ADAMTSL1: variants seen among roughly 807,000 people sequenced by gnomAD.
ADAMTSL1 encodes the protein ADAMTS like 1.
ADAMTSL1 carries 126 observed loss-of-function variants against 201.8 expected under a neutral mutation model. The observed-to-expected ratio is 0.62, with a 90% confidence interval of 0.54 to 0.72. ADAMTSL1 has a LOEUF of 0.72. ADAMTSL1 is among the 30% of genes least tolerant of loss of function. The probability of loss-of-function intolerance (pLI) is 0.00; values close to 1 mark genes in which losing one functional copy is unlikely to be tolerated. For synonymous variants in ADAMTSL1, 1,121 were observed against 903.4 expected (o/e 1.24, Z -4.32); for missense variants, 2,679 against 2,277.8 (o/e 1.18, Z -3.59).
At chr9:18,097,567 G>A (rs1393950875) in intron 1 of ADAMTSL1, among the ~76,000 whole-genome samples, 1 of 152,150 alleles carries the variant, frequency 6.6e-6, no homozygotes, top group African/African-American at 2.4e-5. Context: ...CCACATCCTT[G>A]TTAATACTTC....
intron 15 of ADAMTSL1, among the ~76,000 whole-genome samples, chr9:18,734,732 C>G (rs1818408378): frequency 1.3e-5 from 2 of 152,088 alleles, no homozygotes; most frequent in South Asian, 2.1e-4. Context: ...GTCTCTTGTT[C>G]TTAGAGCTGG....
At chr9:18,706,691 A>G (rs1396240540) in intron 13 of ADAMTSL1, 56 bp from the exon 14 acceptor site, 2 of 1,502,994 alleles carry the variant, frequency 1.3e-6, no homozygotes, top group South Asian at 1.3e-5. Flanking sequence ...CACAGCCCCC[A>G]TGGCTTCCTG....
intron 2 of ADAMTSL1, among the ~76,000 whole-genome samples, chr9:18,350,427 C>G (rs1835916908): frequency 6.6e-6 from 1 of 152,140 alleles, no homozygotes; most frequent in African/African-American, 2.4e-5. Context: ...GAAGCCGGTC[C>G]TTCCCTTCTA....
At chr9:18,412,942 C>T (rs7859150) in intron 2 of ADAMTSL1, among the ~76,000 whole-genome samples, 51,008 of 151,888 alleles carry the variant, frequency 0.34, 9,578 homozygotes, top group African/African-American at 0.51. Context: ...GCATCTATAT[C>T]CAAGAGTGAT....
At chr9:18,419,001 T>C (rs1398520377) in intron 2 of ADAMTSL1, among the ~76,000 whole-genome samples, 1 of 152,202 alleles carries the variant, frequency 6.6e-6, no homozygotes, top group African/African-American at 2.4e-5. Context: ...AATAGATCGA[T>C]GTAACAGAAT....
At chr9:18,136,514 T>A (rs1459192198) in intron 1 of ADAMTSL1, among the ~76,000 whole-genome samples, 1 of 151,726 alleles carries the variant, frequency 6.6e-6, no homozygotes, top group Non-Finnish European at 1.5e-5. Context: ...AATGCAAGGG[T>A]GAAGTGCTTT....
intron 2 of ADAMTSL1, among the ~76,000 whole-genome samples, chr9:18,299,786 A>G (rs1833628297): frequency 6.6e-6 from 1 of 152,248 alleles, no homozygotes; most frequent in Non-Finnish European, 1.5e-5. Flanking sequence ...TGGAAGACTA[A>G]TAGAAATCTG....
At chr9:18,139,745 C>A (rs1383250809) in intron 1 of ADAMTSL1, among the ~76,000 whole-genome samples, 1 of 152,112 alleles carries the variant, frequency 6.6e-6, no homozygotes, top group Non-Finnish European at 1.5e-5. Flanking sequence ...CATGAGATCA[C>A]AATTTTTTTC....
At chr9:18,486,478 A>C (rs577720256) in intron 1 of ADAMTSL1, among the ~76,000 whole-genome samples, 9 of 152,306 alleles carry the variant, frequency 5.9e-5, no homozygotes, top group African/African-American at 2.2e-4. Flanking sequence ...CCAAGGCAGG[A>C]GGATCGCTTG....
chr9:18,769,721 A>C (rs1820576306), intron 16 of ADAMTSL1, among the ~76,000 whole-genome samples: 1 of 152,202 alleles, frequency 6.6e-6, no homozygotes, highest in Admixed American at 6.5e-5. Context: ...CTGAAAGCAC[A>C]CACAACCCTT....
intron 23 of ADAMTSL1, among the ~76,000 whole-genome samples, chr9:18,846,094 C>G (rs756916458): frequency 2.0e-5 from 3 of 152,158 alleles, no homozygotes; most frequent in Non-Finnish European, 2.9e-5. Flanking sequence ...TAAATACAAA[C>G]CTAGTCCTCA....
At position 18,680,499 on chromosome 9, in the gene ADAMTSL1, G is replaced by C. The variant is rs766999969; in HGVS notation, c.1324G>C (p.Ala442Pro). 8.7e-6 allele frequency: 14 copies of C among 1,613,996 alleles called. No individual in the cohort carries two copies. The change falls in exon 11 of 29, where the codon GCA becomes CCA. Residue 442 changes from alanine (A) to proline (P), a missense_variant. Transcript: ENST00000380548. ...CNIFDCPKWL[A>P]QEWSPCTVTC... ...CATTTTTGACTGCCCTAAATGGCTGGCACAGGAGTGGTCTCCGGTAACTGT... is the reference window on the plus strand; with the variant it reads ...CATTTTTGACTGCCCTAAATGGCTGCCACAGGAGTGGTCTCCGGTAACTGT...
chr9:18,055,486 A>C (rs546861980), intron 1 of ADAMTSL1, among the ~76,000 whole-genome samples: 1 of 152,360 alleles, frequency 6.6e-6, no homozygotes, highest in South Asian at 2.1e-4. Flanking sequence ...CCCTTCTATA[A>C]ACTATAAATA....
At chr9:18,285,032 T>C (rs1045008249) in intron 2 of ADAMTSL1, among the ~76,000 whole-genome samples, 1 of 152,182 alleles carries the variant, frequency 6.6e-6, no homozygotes, top group African/African-American at 2.4e-5. Context: ...TTTGGACACA[T>C]CTCATGATTT....
intron 2 of ADAMTSL1, among the ~76,000 whole-genome samples, chr9:18,304,566 T>C (rs1228394079): frequency 3.9e-5 from 6 of 152,034 alleles, no homozygotes; most frequent in Non-Finnish European, 7.4e-5. Context: ...GCGTGTTATT[T>C]ACCTACACTG....
chr9:18,465,114 C>A (rs1386990831), intron 2 of ADAMTSL1, among the ~76,000 whole-genome samples: 1 of 152,126 alleles, frequency 6.6e-6, no homozygotes, highest in Non-Finnish European at 1.5e-5. Flanking sequence ...AGTATTCCAC[C>A]TACACATGTT....
chr9:18,637,851 T>A (rs2132790042), intron 6 of ADAMTSL1, among the ~76,000 whole-genome samples: 1 of 152,160 alleles, frequency 6.6e-6, no homozygotes, highest in Non-Finnish European at 1.5e-5. Context: ...TAATTAGAGG[T>A]ACCTTGAGAA....
intron 26 of ADAMTSL1, among the ~76,000 whole-genome samples, chr9:18,904,732 C>CTT (rs373922316): frequency 0.15 from 8,070 of 55,060 alleles, 1,858 homozygotes; most frequent in African/African-American, 0.44. Context: ...GTTAAGGGGG[C>CTT]TTTTTTTTTT....
chr9:18,454,327 T>C (rs1380230503), intron 2 of ADAMTSL1, among the ~76,000 whole-genome samples: 3 of 152,144 alleles, frequency 2.0e-5, no homozygotes, highest in Non-Finnish European at 2.9e-5. Context: ...TTATTTTCTC[T>C]CCTTTTTTGT....
Sources: gnomAD v4.1 joint callset for allele counts (sites outside exome capture counted in the v4.1 genomes callset) on GRCh38, gnomAD v4.1.1 for gene constraint, MANE v1.5 for transcripts, NCBI Gene and HGNC (gene_info 2026-07-23, HGNC 2026-07-21) for gene names.